The following KCTD1 variants were observed in gnomAD, a reference collection of about 807,000 sequenced individuals.
KCTD1 encodes the protein BTB/POZ domain-containing protein KCTD1.
A neutral mutation model predicts 66.0 loss-of-function variants in KCTD1; 24 were observed. The observed-to-expected ratio is 0.36, with a 90% CI of 0.26 to 0.51. KCTD1 has a LOEUF of 0.51. Ranked by LOEUF, KCTD1 falls within the 20% of genes least tolerant of loss-of-function variation. KCTD1 has a pLI of 0.95. For synonymous variants in KCTD1, 511 were observed against 517.2 expected (o/e 0.99, Z 0.16); for missense variants, 943 against 1,205.2 (o/e 0.78, Z 3.22).
At chr18:26,555,840 T>C (rs943385561) in intron 1 of KCTD1, among the ~76,000 whole-genome samples, 14 of 152,206 alleles carry the variant, frequency 9.2e-5, no homozygotes, top group Non-Finnish European at 1.8e-4. Flanking sequence ...CGATATGTAC[T>C]TAAAGGGCAA....
At chr18:26,515,320 CA>C (rs1415751130) in intron 1 of KCTD1, among the ~76,000 whole-genome samples, 1 of 152,212 alleles carries the variant, frequency 6.6e-6, no homozygotes, top group East Asian at 1.9e-4. Flanking sequence ...CCATCTTTTG[CA>C]AAGAAGGAAC....
intron 1 of KCTD1, among the ~76,000 whole-genome samples, chr18:26,648,383 T>C (rs1987968526): frequency 6.6e-6 from 1 of 152,232 alleles, no homozygotes; most frequent in Non-Finnish European, 1.5e-5. Flanking sequence ...ATAAGCCCCA[T>C]ATACTCTCAC....
At position 26,455,736 on chromosome 18, in the gene KCTD1, T is replaced by C; in HGVS notation, c.*7A>G. ...TGTTTTCCTTTTTGCATAAGAAATA[T>C]GTCCATTTAGTCCAGAGGCTCTTGC... On this transcript the variant is annotated 3_prime_UTR_variant, in exon 5 of 5. Transcript: ENST00000580059. The C allele has an allele frequency of 6.2e-7, 1 of 1,614,074 alleles. No homozygotes were observed. Among genetic ancestry groups the C allele is most frequent in the Non-Finnish European group, 8.5e-7 (1 of 1,180,016 alleles).
At chr18:26,609,077 T>C (rs982512311) in intron 1 of KCTD1, among the ~76,000 whole-genome samples, 4 of 152,188 alleles carry the variant, frequency 2.6e-5, no homozygotes, top group Non-Finnish European at 5.9e-5. Flanking sequence ...GTTGTAACTC[T>C]TGTGTCCTGG....
intron 1 of KCTD1, among the ~76,000 whole-genome samples, chr18:26,514,843 C>G (rs1320051613): frequency 6.6e-6 from 1 of 152,178 alleles, no homozygotes; most frequent in Non-Finnish European, 1.5e-5. Flanking sequence ...CTGGTATTAG[C>G]ACAGGAGATT....
chr18:26,490,055 G>A (rs1982114939), intron 2 of KCTD1, among the ~76,000 whole-genome samples: 1 of 152,154 alleles, frequency 6.6e-6, no homozygotes, highest in African/African-American at 2.4e-5. Flanking sequence ...TCAAAAACGA[G>A]TACAGTCAGT....
intron 1 of KCTD1, among the ~76,000 whole-genome samples, chr18:26,515,608 C>T (rs1282034701): frequency 6.7e-6 from 1 of 150,086 alleles, no homozygotes; most frequent in Non-Finnish European, 1.5e-5. Flanking sequence ...TGGATTCAAG[C>T]GATTTTCCTG....
At chr18:26,518,681 T>A (rs1301927458) in intron 1 of KCTD1, among the ~76,000 whole-genome samples, 2 of 152,232 alleles carry the variant, frequency 1.3e-5, no homozygotes, top group Non-Finnish European at 2.9e-5. Flanking sequence ...TCACACACCA[T>A]CCTTACTCCT....
rs978456592 is a variant in KCTD1 at position 26,565,187 on chromosome 18, A to T, written c.-15-63937T>A. Among the ~76,000 whole-genome samples the T allele has an allele frequency of 1.2e-4, 18 of 152,336 alleles. No homozygotes were observed. In the East Asian group the frequency reaches 2.3e-3, roughly 20 times the overall value. ...TAAGGTGTCAGATTACTGTGTAATT[A>T]GGGACCAGTTCTGTTCCAGATCATC... On this transcript the variant is annotated intron_variant, in intron 1 of 4. Transcript: ENST00000317932.
chr18:26,547,181 G>A lies in KCTD1; in HGVS notation c.1356C>T (p.Cys452=), dbSNP rs930600794. 6.4e-7 allele frequency: 1 copy of A among 1,551,250 alleles called. No homozygotes were observed. Among genetic ancestry groups the A allele is most frequent in the Non-Finnish European group, 8.7e-7 (1 of 1,147,006 alleles). Residue 452 remains cysteine, a synonymous_variant, in exon 1 of 5, where the codon TGC becomes TGT. Coordinates refer to ENST00000580059, the MANE Select transcript of KCTD1 (RefSeq NM_001142730.3). ...AKLSKTYTNH[C]IGAVSIATLN... The stretch of plus-strand genomic sequence containing the variant: ...GCGTGGCGATGGAGACGGCGCCGAT[G>A]CAGTGGTTGGTGTAGGTCTTGGAGA...
intron 1 of KCTD1, among the ~76,000 whole-genome samples, chr18:26,553,899 G>C (rs1433072554): frequency 6.6e-6 from 1 of 151,232 alleles, no homozygotes; most frequent in Non-Finnish European, 1.5e-5. Flanking sequence ...GGCAAGTCTG[G>C]TTCCATAGGC....
Position 26,636,636 on chromosome 18 carries a change from G to A in KCTD1, c.-107+3675C>T, listed in dbSNP as rs376151856. Among the ~76,000 whole-genome samples the A allele has an allele frequency of 3.0e-4, 46 of 152,242 alleles. No individual in the cohort carries two copies. The East Asian group carries it at 3.5e-3, about 12-fold the overall frequency. On this transcript the variant is annotated intron_variant, in intron 1 of 5. Transcript: ENST00000579973. Reference sequence around the variant, plus strand: ...AAGCCACAATTACTTTTGCATCAACGAATACCTGAGCGTTGGGGTCATTGG... The same window carrying A: ...AAGCCACAATTACTTTTGCATCAACAAATACCTGAGCGTTGGGGTCATTGG...
In KCTD1 at chr18:26,476,761, G is replaced by T; in HGVS notation, c.1989-102C>A. The T allele has an allele frequency of 2.0e-6, 2 of 997,318 alleles. No homozygotes were observed. Among genetic ancestry groups the T allele is most frequent in the Non-Finnish European group, 3.0e-6 (2 of 664,156 alleles). The allele number at this position is 997,318 out of a possible 1,614,324, so 61.8% of individuals were successfully genotyped here. On this transcript the variant is annotated intron_variant, in intron 2 of 4. Transcript: ENST00000580059. This position sits in a 1 kb window ranked among gnomAD's most constrained non-coding sequence, Gnocchi z 4.9. ...CACTGTCAAAGGTAGCACTTTTGAA[G>T]ATGGCAGTAGGGAAAAATTACGATT...
At position 26,480,844 on chromosome 18, in the gene KCTD1, C is replaced by G. The variant is rs142324237; in HGVS notation, c.1989-4185G>C. 2.0e-3 allele frequency among the ~76,000 whole-genome samples: 304 copies of G among 152,226 alleles called. 3 individuals carry two copies. Among genetic ancestry groups the G allele is most frequent in the African/African-American group, 6.4e-3 (265 of 41,544 alleles). ...TGCAAGACCTAATCTCTGAGGAAAC[C>G]AAGCCCATTTGGTGGGAAGTGAGTC... On this transcript the variant is annotated intron_variant, in intron 2 of 4. Coordinates refer to ENST00000580059, the MANE Select transcript of KCTD1 (RefSeq NM_001142730.3).
intron 1 of KCTD1, chr18:26,640,302 G>C (rs1987809559): frequency 2.0e-5 from 3 of 152,186 alleles, no homozygotes; most frequent in Admixed American, 2.0e-4. Flanking sequence ...TATTCATGAT[G>C]CCTCCCACCT....
rs80005685 is a variant in KCTD1, at chr18:26,476,232, T to C, written c.2133+283A>G. 6.6e-6 allele frequency among the ~76,000 whole-genome samples: 1 copy of C among 152,336 alleles called. No individual in the cohort carries two copies. Among genetic ancestry groups the C allele is most frequent in the East Asian group, 1.9e-4 (1 of 5,192 alleles). Reference sequence around the variant, plus strand: ...AGGAGGTTTCCTTTTATTCTCTAGCTCTCTAAGACATATCAGAAATGAGCT... The same window carrying C: ...AGGAGGTTTCCTTTTATTCTCTAGCCCTCTAAGACATATCAGAAATGAGCT... On this transcript the variant is annotated intron_variant, in intron 3 of 4. Transcript: ENST00000580059. This position sits in a 1 kb window ranked among gnomAD's most constrained non-coding sequence, Gnocchi z 4.9.
intron 1 of KCTD1, among the ~76,000 whole-genome samples, chr18:26,610,080 A>G (rs1987101193): frequency 6.6e-6 from 1 of 152,232 alleles, no homozygotes; most frequent in Non-Finnish European, 1.5e-5. Flanking sequence ...TCATGATGTT[A>G]TGAGAATAAA....
chr18:26,535,884 TG>T (rs1427180266), intron 1 of KCTD1, among the ~76,000 whole-genome samples: 1 of 148,250 alleles, frequency 6.7e-6, no homozygotes. Flanking sequence ...CCTTCAGCTG[TG>T]CATAGATTCA....
chr18:26,480,520 A>G (rs1272860444), intron 2 of KCTD1, among the ~76,000 whole-genome samples: 1 of 152,230 alleles, frequency 6.6e-6, no homozygotes, highest in African/African-American at 2.4e-5. Flanking sequence ...CTGTAATCCC[A>G]GCACTTTGGG....
Sources: gnomAD v4.1 joint callset for allele counts (sites outside exome capture counted in the v4.1 genomes callset) on GRCh38, gnomAD v4.1.1 for gene constraint, Gnocchi (gnomAD v3.1) non-coding constraint, MANE v1.5 for transcripts, NCBI Gene and HGNC (gene_info 2026-07-23, HGNC 2026-07-21) for gene names.